TBX10: variants seen among roughly 807,000 people sequenced by gnomAD.
TBX10 encodes T-box transcription factor 10, also known as T-box transcription factor TBX10.
TBX10 carries 26 observed loss-of-function variants against 32.4 expected under a neutral mutation model. The ratio of observed to expected loss-of-function variants is 0.80; its 90% CI spans 0.59 to 1.11. TBX10 has a LOEUF of 1.11. Among genes scored for constraint, TBX10 ranks in the 50% most tolerant of loss-of-function variants. TBX10 has a pLI of 0.00. For synonymous variants in TBX10, 195 were observed against 203.1 expected, an observed-to-expected ratio of 0.96 and a Z score of 0.34; for missense variants, 490 against 494.5, an observed-to-expected ratio of 0.99 and a Z score of 0.09.
intron 1 of TBX10, among the ~76,000 whole-genome samples, chr11:67,636,073 CTTTTTT>C (rs60139069): frequency 1.6e-4 from 16 of 98,022 alleles, no homozygotes; most frequent in African/African-American, 5.8e-4. Context: ...ATTAGAACTC[CTTTTTT>C]TTTTTTTTTT....
intron 3 of TBX10, 30 bp downstream of exon 3, chr11:67,634,786 T>G: frequency 6.2e-7 from 1 of 1,606,908 alleles, no homozygotes; most frequent in Non-Finnish European, 8.5e-7. Context: ...ACCTGAGACC[T>G]GAGCCTTTGC....
Position 67,635,084 on chromosome 11 carries a change from A to C in TBX10, c.187T>G (p.Ser63Ala), listed in dbSNP as rs1279067255. Residue 63 changes from serine (S) to alanine (A), a missense_variant, in exon 2 of 8, where the codon TCC becomes GCC. By Grantham distance (99) the Ser-to-Ala change is moderately conservative. Transcript: ENST00000335385. ...ATCTCCAGCTGAACTGTCACTCTGGACACACGTGGGTTCTTGGGGCCCTGC... is the reference window on the plus strand; with the variant it reads ...ATCTCCAGCTGAACTGTCACTCTGGCCACACGTGGGTTCTTGGGGCCCTGC... The part of the protein sequence containing the change: ...TGQGPKNPRV[S>A]RVTVQLEMKP... 2.0e-5 allele frequency: 33 copies of C among 1,613,706 alleles called. No homozygotes were observed. Among genetic ancestry groups the C allele is most frequent in the Non-Finnish European group, 2.8e-5 (33 of 1,180,020 alleles).
At chr11:67,633,594 C>T (rs904031520) in intron 4 of TBX10, among the ~76,000 whole-genome samples, 1 of 152,234 alleles carries the variant, frequency 6.6e-6, no homozygotes, top group Non-Finnish European at 1.5e-5. Context: ...CCCATGGATG[C>T]GTCTTGCAAT....
chr11:67,639,403 C>CCCCCCCCCCCCCCA, intron 1 of TBX10, 63 bp downstream of exon 1: 2 of 646,482 alleles, frequency 3.1e-6, no homozygotes, highest in Non-Finnish European at 5.6e-6. Context: ...TCCCACCCTG[C>CCCCCCCCCCCCCCA]CCACCCACCC....
intron 4 of TBX10, among the ~76,000 whole-genome samples, 197 bp downstream of exon 4, chr11:67,633,992 C>T (rs1241651872): frequency 2.0e-5 from 3 of 152,076 alleles, no homozygotes; most frequent in African/African-American, 7.2e-5. Context: ...CCCCCGCCCC[C>T]ACCCCCTTTT....
intron 1 of TBX10, among the ~76,000 whole-genome samples, chr11:67,638,164 C>T (rs947726542): frequency 2.0e-5 from 3 of 151,882 alleles, no homozygotes; most frequent in Non-Finnish European, 4.4e-5. Context: ...GACATGTTCA[C>T]ACCACTGCAC....
rs955694281 is a variant in TBX10 at position 67,634,135 on chromosome 11, C to T, written c.549+54G>A. On this transcript the variant is annotated intron_variant, in intron 4 of 7. Transcript: ENST00000335385. ...CACCAAGGCCATTGGACACCAAAGT[C>T]CCTACCAGCCCTGACCCCAGGCCCT... 3.7e-6 allele frequency: 6 copies of T among 1,604,066 alleles called. No individual in the cohort carries two copies. The African/African-American group carries it at 5.3e-5, about 14-fold the overall frequency.
chr11:67,639,402 G>GCCCCCCCCCCCCC, intron 1 of TBX10, 64 bp downstream of exon 1: 2 of 288,590 alleles, frequency 6.9e-6, no homozygotes, highest in Non-Finnish European at 1.4e-5. Context: ...TTCCCACCCT[G>GCCCCCCCCCCCCC]CCCACCCACC....
intron 7 of TBX10, 61 bp from the exon 8 acceptor site, chr11:67,631,955 C>G: frequency 6.5e-7 from 1 of 1,546,644 alleles, no homozygotes; most frequent in Non-Finnish European, 8.8e-7. Context: ...TCATCCCAGG[C>G]CTGCCCTGGT....
At chr11:67,632,273 T>G (rs1428159179) in intron 7 of TBX10, 45 bp downstream of exon 7, 1 of 1,608,512 alleles carries the variant, frequency 6.2e-7, no homozygotes, top group South Asian at 1.1e-5. Context: ...TTCCGCCCAC[T>G]GTGTACACCT....
At chr11:67,635,673 AGAT>A (rs978591657) in intron 1 of TBX10, among the ~76,000 whole-genome samples, 7 of 134,824 alleles carry the variant, frequency 5.2e-5, no homozygotes, top group African/African-American at 1.6e-4. Flanking sequence ...CACCTGTTCT[AGAT>A]GATATGTGTG....
Position 67,634,890 on chromosome 11 carries a change from C to A in TBX10, c.303G>T (p.Lys101Asn). 6.2e-7 allele frequency: 1 copy of A among 1,613,454 alleles called. No homozygotes were observed. Among genetic ancestry groups the A allele is most frequent in the Non-Finnish European group, 8.5e-7 (1 of 1,180,022 alleles). ...GRRMFPPFQV[K>N]ILGMDSLADY... Reference sequence around the variant, plus strand: ...CGGCCAGGGAGTCCATGCCCAGGATCTTCACCTGGAAGGGGGGGAACATCC... The same window carrying A: ...CGGCCAGGGAGTCCATGCCCAGGATATTCACCTGGAAGGGGGGGAACATCC... Residue 101 changes from lysine to asparagine, a missense_variant, in exon 3 of 8, where the codon AAG becomes AAT. Lys to Asn is a moderately conservative substitution (Grantham distance 94, BLOSUM62 0). Transcript: ENST00000335385.
intron 5 of TBX10, 73 bp downstream of exon 5, chr11:67,632,875 G>A: frequency 9.3e-6 from 15 of 1,611,386 alleles, no homozygotes; most frequent in Non-Finnish European, 1.3e-5. Flanking sequence ...AGTGAGGGCT[G>A]CAAGCCTCAG....
At position 67,634,306 on chromosome 11, in the gene TBX10, T is replaced by C; in HGVS notation, c.432A>G (p.Thr144=). 1 of 1,609,836 alleles carries C rather than the reference T, an allele frequency of 6.2e-7. No homozygotes were observed. The highest frequency in any genetic ancestry group is 8.5e-7 in the Non-Finnish European group (1 of 1,179,858). ...CGGGGTGGAAGTGCACGCGGCCAGG[T>C]GTGGCTGGGTCTGCCTTGCCCGCCA... The part of the protein sequence containing the change: ...WLVAGKADPA[T]PGRVHFHPDS... Residue 144 remains threonine, a synonymous_variant, in exon 4 of 8, where the codon ACA becomes ACG. Coordinates refer to ENST00000335385, the MANE Select transcript of TBX10 (RefSeq NM_005995.5).
At chr11:67,637,058 C>T (rs181820604) in intron 1 of TBX10, among the ~76,000 whole-genome samples, 5 of 152,300 alleles carry the variant, frequency 3.3e-5, no homozygotes, top group African/African-American at 9.6e-5. Flanking sequence ...CCTGAAGATG[C>T]TGTTACACGA....
At chr11:67,639,401 T>TCCCCCCCCCCCC in intron 1 of TBX10, 65 bp downstream of exon 1, 1 of 213,932 alleles carries the variant, frequency 4.7e-6, no homozygotes, top group South Asian at 3.7e-5. Flanking sequence ...GTTCCCACCC[T>TCCCCCCCCCCCC]GCCCACCCAC....
intron 1 of TBX10, among the ~76,000 whole-genome samples, chr11:67,638,150 G>T (rs1291779590): frequency 3.3e-5 from 5 of 152,094 alleles, no homozygotes; most frequent in Non-Finnish European, 7.4e-5. Flanking sequence ...GGAGGTTGCA[G>T]TGAGACATGT....
chr11:67,636,723 C>T (rs570793103), intron 1 of TBX10, among the ~76,000 whole-genome samples: 1 of 152,138 alleles, frequency 6.6e-6, no homozygotes, highest in East Asian at 1.9e-4. Flanking sequence ...GTCTCGAACT[C>T]CTGACCTCAG....
intron 7 of TBX10, among the ~76,000 whole-genome samples, 197 bp from the exon 8 acceptor site, chr11:67,632,091 C>G (rs556526450): frequency 6.6e-6 from 1 of 152,338 alleles, no homozygotes; most frequent in South Asian, 2.1e-4. Context: ...CAAGGCCCAG[C>G]TTGAGAGCCA....
Sources: gnomAD v4.1 joint callset for allele counts (sites outside exome capture counted in the v4.1 genomes callset) on GRCh38, gnomAD v4.1.1 for gene constraint, MANE v1.5 for transcripts, NCBI Gene and HGNC (gene_info 2026-07-23, HGNC 2026-07-21) for gene names.